The following NHLRC4 variants were observed in gnomAD, a reference collection of about 807,000 sequenced individuals.
NHLRC4 encodes NHL-repeat-containing protein 4.
For missense variants in NHLRC4, 158 were observed against 155.4 expected (o/e 1.02, Z -0.09); for synonymous variants, 73 against 69.0 (o/e 1.06, Z -0.29).
Position 568,464 on chromosome 16 carries a change from C to T in NHLRC4, c.*45C>T. On this transcript the variant is annotated 3_prime_UTR_variant, in exon 2 of 2. Coordinates refer to ENST00000424439, the MANE Select transcript of NHLRC4 (RefSeq NM_001301159.2). ...AGCCCTCCTGTGCCTGAGGCCAGCT[C>T]CCAGGCCCTTGGATCACCGCGGGAG... 2 of 1,571,002 alleles carry T rather than the reference C, an allele frequency of 1.3e-6. No homozygotes were observed. The highest frequency in any genetic ancestry group is 1.7e-6 in the Non-Finnish European group (2 of 1,159,012).
At position 568,931 on chromosome 16, in the gene NHLRC4, C is replaced by T. The variant is rs1223447055; in HGVS notation, c.*512C>T. On this transcript the variant is annotated 3_prime_UTR_variant, in exon 2 of 2. Transcript: ENST00000424439. Reference sequence around the variant, plus strand: ...GCAGGGGTGTGGCCCCTAAATGTCCCCAACCTCAGAGGGACCTAGAGTCCT... The same window carrying T: ...GCAGGGGTGTGGCCCCTAAATGTCCTCAACCTCAGAGGGACCTAGAGTCCT... The T allele has an allele frequency of 6.1e-6, 1 of 164,464 alleles. No homozygotes were observed. Among genetic ancestry groups the T allele is most frequent in the Non-Finnish European group, 1.4e-5 (1 of 72,676 alleles). The allele number at this position is 164,464 out of a possible 1,614,324, so 10.2% of individuals were successfully genotyped here. A position where few individuals can be genotyped will look rare whatever the true frequency, so the allele number is the denominator to read the frequency against.
At chr16:567,320 C>T (rs1419938286) in intron 1 of NHLRC4, among the ~76,000 whole-genome samples, 151 bp from the exon 2 acceptor site, 1 of 152,162 alleles carries the variant, frequency 6.6e-6, no homozygotes, top group Admixed American at 6.5e-5. Context: ...ACAGCGAGCT[C>T]CACGGGTCAT....
At position 567,930 on chromosome 16, in the gene NHLRC4, G is replaced by A; in HGVS notation, c.-118G>A. Reference sequence around the variant, plus strand: ...ACTGGGTGACAGTGGGCACCTTCCTGTCTCCCCGAGGGCTGGCTGTGGATG... The same window carrying A: ...ACTGGGTGACAGTGGGCACCTTCCTATCTCCCCGAGGGCTGGCTGTGGATG... On this transcript the variant is annotated 5_prime_UTR_variant, in exon 2 of 2. Coordinates refer to ENST00000424439, the MANE Select transcript of NHLRC4 (RefSeq NM_001301159.2). The A allele has an allele frequency of 1.7e-6, 2 of 1,148,330 alleles. No individual in the cohort carries two copies. Among genetic ancestry groups the A allele is most frequent in the East Asian group, 2.6e-5 (1 of 38,324 alleles). 71.1% of individuals were successfully genotyped at this position (1,148,330 alleles called of 1,614,324 possible). A position where few individuals can be genotyped will look rare whatever the true frequency, so the allele number is the denominator to read the frequency against.
chr16:569,360 C>G lies in NHLRC4; in HGVS notation c.*941C>G, dbSNP rs534549104. 2.0e-4 allele frequency: 33 copies of G among 167,090 alleles called. No homozygotes were observed. The highest frequency in any genetic ancestry group is 7.2e-4 in the African/African-American group (30 of 41,570). 10.4% of individuals were successfully genotyped at this position (167,090 alleles called of 1,614,324 possible). A position where few individuals can be genotyped will look rare whatever the true frequency, so the allele number is the denominator to read the frequency against. On this transcript the variant is annotated 3_prime_UTR_variant, in exon 2 of 2. Coordinates refer to ENST00000424439, the MANE Select transcript of NHLRC4 (RefSeq NM_001301159.2). Reference sequence around the variant, plus strand: ...GAGGGGACGGTGTCTGGCTCTACCCCTGTGGGGTGGGGAGGTGGGGCTCCC... The same window carrying G: ...GAGGGGACGGTGTCTGGCTCTACCCGTGTGGGGTGGGGAGGTGGGGCTCCC...
At position 568,308 on chromosome 16, in the gene NHLRC4, G is replaced by C. The variant is rs761672036; in HGVS notation, c.261G>C (p.Glu87Asp). ...RAGPPICLVSEGLGQPLGVAC... is the reference protein window; with the variant it reads ...RAGPPICLVSDGLGQPLGVAC... ...GGCCACCCATCTGCCTGGTGTCAGA[G>C]GGGCTTGGGCAGCCCTTGGGAGTGG... Residue 87 changes from glutamate (E) to aspartate (D), a missense_variant, in exon 2 of 2, where the codon GAG (glutamate) becomes GAC (aspartate). Transcript: ENST00000424439. 5.6e-6 allele frequency: 9 copies of C among 1,611,782 alleles called. No homozygotes were observed. The highest frequency in any genetic ancestry group is 1.7e-6 in the Non-Finnish European group (2 of 1,179,568).
rs1194004751 is a variant in NHLRC4, at chr16:569,067, A to G, written c.*648A>G. 1.2e-5 allele frequency: 2 copies of G among 167,322 alleles called. No individual in the cohort carries two copies. 10.4% of individuals were successfully genotyped at this position (167,322 alleles called of 1,614,324 possible). A position where few individuals can be genotyped will look rare whatever the true frequency, so the allele number is the denominator to read the frequency against. On this transcript the variant is annotated 3_prime_UTR_variant, in exon 2 of 2. Coordinates refer to ENST00000424439, the MANE Select transcript of NHLRC4 (RefSeq NM_001301159.2). ...TGGATGCCTTTTCTTCCGCGTCCCC[A>G]TGAATGAAAGCTGTCTGGGCCTTCA... is the stretch of plus-strand genomic sequence containing the variant.
At position 569,474 on chromosome 16, in the gene NHLRC4, CAAT is replaced by C. The variant is rs2035584529; in HGVS notation, c.*1058_*1060del. 1 of 166,254 alleles carries C rather than the reference CAAT, an allele frequency of 6.0e-6. No homozygotes were observed. The highest frequency in any genetic ancestry group is 1.9e-4 in the East Asian group (1 of 5,158). The allele number at this position is 166,254 out of a possible 1,614,324, so 10.3% of individuals were successfully genotyped here. On this transcript the variant is annotated 3_prime_UTR_variant, in exon 2 of 2. Coordinates refer to ENST00000424439, the MANE Select transcript of NHLRC4 (RefSeq NM_001301159.2). ...TAACTGCGCAATGTAGTTAGGTGCTCAATAAACGGAGTTGCCGCTGAGGTCTGG... is the reference window on the plus strand; with the variant it reads ...TAACTGCGCAATGTAGTTAGGTGCTCAAACGGAGTTGCCGCTGAGGTCTGG...
Position 568,494 on chromosome 16 carries a change from C to G in NHLRC4, c.*75C>G, listed in dbSNP as rs2035569186. 4 of 1,464,754 alleles carry G rather than the reference C, an allele frequency of 2.7e-6. No individual in the cohort carries two copies. In the South Asian group the frequency reaches 4.1e-5, roughly 15 times the overall value. 90.7% of individuals were successfully genotyped at this position (1,464,754 alleles called of 1,614,324 possible). A position where few individuals can be genotyped will look rare whatever the true frequency, so the allele number is the denominator to read the frequency against. On this transcript the variant is annotated 3_prime_UTR_variant, in exon 2 of 2. Coordinates refer to ENST00000424439, the MANE Select transcript of NHLRC4 (RefSeq NM_001301159.2). ...GCCCTTGGATCACCGCGGGAGGAACCCTCAGGATGGGTGGAGCCTCCAGGC... is the reference window on the plus strand; with the variant it reads ...GCCCTTGGATCACCGCGGGAGGAACGCTCAGGATGGGTGGAGCCTCCAGGC...
In NHLRC4 at chr16:567,783, G is replaced by A. The variant is rs764314248; in HGVS notation, c.-265G>A. 2.2e-6 allele frequency: 1 copy of A among 458,208 alleles called. No homozygotes were observed. The highest frequency in any genetic ancestry group is 3.9e-6 in the Non-Finnish European group (1 of 257,840). 28.4% of individuals were successfully genotyped at this position (458,208 alleles called of 1,614,324 possible). A position where few individuals can be genotyped will look rare whatever the true frequency, so the allele number is the denominator to read the frequency against. On this transcript the variant is annotated 5_prime_UTR_variant, in exon 2 of 2. Transcript: ENST00000424439. Reference sequence around the variant, plus strand: ...TCTGCCTCCTGCCCTGCCGCACTCCGGGGAGCGGGGCCTTCGTTCCAGAGG... The same window carrying A: ...TCTGCCTCCTGCCCTGCCGCACTCCAGGGAGCGGGGCCTTCGTTCCAGAGG...
At position 568,374 on chromosome 16, in the gene NHLRC4, G is replaced by T. The variant is rs2035567233; in HGVS notation, c.327G>T (p.Lys109Asn). 6.2e-7 allele frequency: 1 copy of T among 1,611,754 alleles called. No individual in the cohort carries two copies. The highest frequency in any genetic ancestry group is 1.3e-5 in the African/African-American group (1 of 74,918). The change falls in exon 2 of 2, where the codon AAG (lysine) becomes AAT (asparagine). Residue 109 changes from lysine to asparagine, a missense_variant. Coordinates refer to ENST00000424439, the MANE Select transcript of NHLRC4 (RefSeq NM_001301159.2). ...GCCAGCTCCTGGTGGCTGATGCCAA[G>T]GACAACTCCATCAAGGTGTACCAGG... ...PQGQLLVADA[K>N]DNSIKVYQGL...
Sources: allele counts gnomAD v4.1 joint callset (sites outside exome capture counted in the v4.1 genomes callset), GRCh38; gene constraint gnomAD v4.1.1; transcripts MANE v1.5; gene names NCBI Gene and HGNC (gene_info 2026-07-23, HGNC 2026-07-21).